Variants in UBE2N observed in about 807,000 individuals in gnomAD.
UBE2N encodes the protein ubiquitin conjugating enzyme E2 N, also known as ubiquitin-conjugating enzyme E2 N.
For synonymous variants in UBE2N, 70 were observed against 69.2 expected (o/e 1.01, Z -0.06); for missense variants, 60 against 192.1 (o/e 0.31, Z 4.07).
intron 1 of UBE2N, among the ~76,000 whole-genome samples, chr12:93,419,737 C>A (rs577852362): frequency 2.0e-5 from 3 of 152,340 alleles, no homozygotes; most frequent in African/African-American, 7.2e-5. Flanking sequence ...ATTATATGAT[C>A]ACTCCTTGCT....
At chr12:93,428,328 G>A (rs769233287) in intron 1 of UBE2N, among the ~76,000 whole-genome samples, 5 of 152,170 alleles carry the variant, frequency 3.3e-5, no homozygotes, top group African/African-American at 7.2e-5. Flanking sequence ...TCCAAGCATA[G>A]ACATGCTGAC....
chr12:93,430,903 T>C (rs1277924873), intron 1 of UBE2N, among the ~76,000 whole-genome samples: 3 of 149,876 alleles, frequency 2.0e-5, no homozygotes, highest in Non-Finnish European at 4.4e-5. Flanking sequence ...GCCATGATCA[T>C]GCCTGGGCAA....
intron 1 of UBE2N, among the ~76,000 whole-genome samples, chr12:93,429,482 G>A (rs924445016): frequency 6.6e-6 from 1 of 151,514 alleles, no homozygotes; most frequent in Non-Finnish European, 1.5e-5. Flanking sequence ...ACATTATAAT[G>A]GAACTGAAAA....
intron 1 of UBE2N, among the ~76,000 whole-genome samples, chr12:93,417,591 C>A (rs1188271723): frequency 1.3e-5 from 2 of 152,180 alleles, no homozygotes; most frequent in African/African-American, 4.8e-5. Context: ...TTAGAATATT[C>A]TCTGAAACAC....
chr12:93,441,798 G>T, intron 1 of UBE2N, 57 bp downstream of exon 1: 1 of 1,569,762 alleles, frequency 6.4e-7, no homozygotes, highest in Non-Finnish European at 8.6e-7. Context: ...CGCGCTGCCT[G>T]CCCAGCTGAG....
intron 1 of UBE2N, among the ~76,000 whole-genome samples, chr12:93,435,922 A>T (rs1043270380): frequency 6.7e-6 from 1 of 148,772 alleles, no homozygotes; most frequent in Non-Finnish European, 1.5e-5. Context: ...TTTCTTAAGT[A>T]AATTTTTAAG....
chr12:93,434,378 C>A lies in UBE2N; in HGVS notation c.30+7477G>T, dbSNP rs181199865. On this transcript the variant is annotated intron_variant, in intron 1 of 3. Coordinates refer to ENST00000318066, the MANE Select transcript of UBE2N (RefSeq NM_003348.4). The stretch of plus-strand genomic sequence containing the variant: ...GAGCAAAGCAAATGCATAACATTTC[C>A]AGTCACAGTCATTTAGCACAGTGAA... Among the ~76,000 whole-genome samples the A allele has an allele frequency of 3.9e-4, 59 of 152,324 alleles. 1 individual carries two copies. The highest frequency in any genetic ancestry group is 2.7e-3 in the Admixed American group (41 of 15,298).
intron 1 of UBE2N, among the ~76,000 whole-genome samples, chr12:93,415,777 C>T (rs906265182): frequency 6.6e-6 from 1 of 152,106 alleles, no homozygotes; most frequent in Non-Finnish European, 1.5e-5. Context: ...GCCCAAGAGT[C>T]CCAATCCACC....
At chr12:93,429,850 G>C (rs138585894) in intron 1 of UBE2N, among the ~76,000 whole-genome samples, 214 of 152,248 alleles carry the variant, frequency 1.4e-3, no homozygotes, top group African/African-American at 4.8e-3. Context: ...ACAGCTGTAT[G>C]ATGTGTGTTT....
chr12:93,421,816 C>T (rs1253662674), intron 1 of UBE2N, among the ~76,000 whole-genome samples: 1 of 152,144 alleles, frequency 6.6e-6, no homozygotes, highest in Non-Finnish European at 1.5e-5. Flanking sequence ...TGTTTCGTGA[C>T]TTTGAAATAT....
intron 1 of UBE2N, among the ~76,000 whole-genome samples, chr12:93,413,548 T>G (rs558421682): frequency 1.4e-4 from 21 of 152,198 alleles, no homozygotes; most frequent in African/African-American, 4.8e-4. Context: ...CATCCCAAAC[T>G]TAACATGACC....
intron 1 of UBE2N, among the ~76,000 whole-genome samples, chr12:93,424,626 C>T (rs1276953404): frequency 2.0e-5 from 3 of 152,206 alleles, no homozygotes; most frequent in Admixed American, 2.0e-4. Flanking sequence ...GCTAACCATA[C>T]CGCACAGCTT....
At chr12:93,439,018 A>G (rs897368747) in intron 1 of UBE2N, among the ~76,000 whole-genome samples, 1 of 152,242 alleles carries the variant, frequency 6.6e-6, no homozygotes, top group Non-Finnish European at 1.5e-5. Context: ...CTAGTTCACA[A>G]AAATGTCTGT....
chr12:93,406,677 TTTACATAGCAC>T lies in UBE2N; in HGVS notation c.*3351_*3361del, dbSNP rs1274440485. 6.6e-6 allele frequency: 1 copy of T among 152,206 alleles called. No homozygotes were observed. Among genetic ancestry groups the T allele is most frequent in the African/African-American group, 2.4e-5 (1 of 41,438 alleles). The allele number at this position is 152,206 out of a possible 1,614,324, so 9.4% of individuals were successfully genotyped here. On this transcript the variant is annotated 3_prime_UTR_variant, in exon 4 of 4. Coordinates refer to ENST00000318066, the MANE Select transcript of UBE2N (RefSeq NM_003348.4). ...TATTCCTTAAACAATAGTGTAACTA[TTTACATAGCAC>T]TTACATTATAATAGGTATTATAAGT...
At chr12:93,411,406 C>A in intron 1 of UBE2N, 107 bp from the exon 2 acceptor site, 1 of 1,427,988 alleles carries the variant, frequency 7.0e-7, no homozygotes, top group Middle Eastern at 1.8e-4. Context: ...TAGAACAGCT[C>A]CAATCTCCCA....
At chr12:93,431,419 C>G (rs1565797530) in intron 1 of UBE2N, among the ~76,000 whole-genome samples, 2 of 152,116 alleles carry the variant, frequency 1.3e-5, no homozygotes, top group Admixed American at 1.3e-4. Context: ...AGAATCAGAC[C>G]ACCTGGGTTC....
chr12:93,427,919 A>C (rs527923404), intron 1 of UBE2N, among the ~76,000 whole-genome samples: 1 of 152,228 alleles, frequency 6.6e-6, no homozygotes, highest in Admixed American at 6.5e-5. Context: ...ATGTTAACAG[A>C]GTTTTCAGTT....
intron 1 of UBE2N, among the ~76,000 whole-genome samples, chr12:93,428,645 A>G (rs1011419939): frequency 7.2e-5 from 11 of 152,274 alleles, no homozygotes; most frequent in Admixed American, 4.6e-4. Context: ...CACTAAAATC[A>G]TAAGCAGCTC....
At chr12:93,413,558 C>CT (rs1565791992) in intron 1 of UBE2N, among the ~76,000 whole-genome samples, 1 of 152,072 alleles carries the variant, frequency 6.6e-6, no homozygotes. Flanking sequence ...TTAACATGAC[C>CT]TCCCTATCCC....
Sources: allele counts gnomAD v4.1 joint callset (sites outside exome capture counted in the v4.1 genomes callset), GRCh38; gene constraint gnomAD v4.1.1; transcripts MANE v1.5; gene names NCBI Gene and HGNC (gene_info 2026-07-23, HGNC 2026-07-21).